CCNY: variants seen among roughly 807,000 people sequenced by gnomAD.
CCNY encodes the protein cyclin-Y.
CCNY carries 19 observed loss-of-function variants against 42.8 expected under a neutral mutation model. The ratio of observed to expected loss-of-function variants is 0.44; its 90% CI spans 0.31 to 0.65. The LOEUF (loss-of-function observed/expected upper bound fraction) is 0.65, where lower values mean the gene tolerates loss of function less well. Among genes scored for constraint, CCNY ranks in the 30% least tolerant of loss-of-function variants. The probability of loss-of-function intolerance (pLI) is 0.07; values close to 1 mark genes in which losing one functional copy is unlikely to be tolerated. For missense variants in CCNY, 370 were observed against 437.3 expected, an observed-to-expected ratio of 0.85 and a Z score of 1.37; for synonymous variants, 165 against 162.7, an observed-to-expected ratio of 1.01 and a Z score of -0.11.
intron 1 of CCNY, among the ~76,000 whole-genome samples, chr10:35,432,063 A>G (rs1448338286): frequency 6.6e-6 from 1 of 152,204 alleles, no homozygotes; most frequent in Non-Finnish European, 1.5e-5. Flanking sequence ...CAGTGCGAGA[A>G]TCATCTTGCA....
chr10:35,289,049 A>G (rs1835384023), intron 3 of CCNY, among the ~76,000 whole-genome samples: 1 of 152,182 alleles, frequency 6.6e-6, no homozygotes, highest in Admixed American at 6.6e-5. Flanking sequence ...TAGTTCATGA[A>G]CATAGATATC....
chr10:35,301,054 C>T (rs1225312425), intron 3 of CCNY, among the ~76,000 whole-genome samples: 5 of 152,096 alleles, frequency 3.3e-5, no homozygotes, highest in Admixed American at 6.6e-5. Context: ...GTGATCCGCC[C>T]GCTTCGGCCT....
intron 1 of CCNY, among the ~76,000 whole-genome samples, chr10:35,404,715 G>A (rs1473683264): frequency 6.6e-6 from 1 of 152,148 alleles, no homozygotes; most frequent in African/African-American, 2.4e-5. Flanking sequence ...GAAAGGAGTT[G>A]TTGTTTTGTG....
Position 35,440,557 on chromosome 10 carries a change from C to G in CCNY, c.155-42847C>G, listed in dbSNP as rs145940415. On this transcript the variant is annotated intron_variant, in intron 1 of 9. Coordinates refer to ENST00000374704, the MANE Select transcript of CCNY (RefSeq NM_145012.6). The stretch of plus-strand genomic sequence containing the variant: ...CTTCCCACCCCTCCTAGTGCTGACT[C>G]TTTGCTAGATGTCTTCAGAATAAGC... 1.2e-4 allele frequency among the ~76,000 whole-genome samples: 18 copies of G among 152,314 alleles called. 1 individual carries two copies. The highest frequency in any genetic ancestry group is 9.1e-4 in the Admixed American group (14 of 15,304).
chr10:35,510,840 C>T (rs991765553), intron 3 of CCNY, among the ~76,000 whole-genome samples: 8 of 152,194 alleles, frequency 5.3e-5, no homozygotes, highest in East Asian at 1.9e-4. Context: ...GGACAAACTA[C>T]GGCTGTCCTG....
At chr10:35,267,309 T>C (rs1465332551) in intron 3 of CCNY, among the ~76,000 whole-genome samples, 1 of 135,548 alleles carries the variant, frequency 7.4e-6, no homozygotes, top group African/African-American at 2.7e-5. Context: ...TCCCATCACT[T>C]AGAAAAAAAA....
rs530316793 is a variant in CCNY at position 35,566,706 on chromosome 10, TGTTTTTTTGG to T, written c.909+531_909+540del. Among the ~76,000 whole-genome samples the T allele has an allele frequency of 2.7e-4, 41 of 152,270 alleles. 1 individual carries two copies. The highest frequency in any genetic ancestry group is 7.5e-4 in the African/African-American group (31 of 41,550). ...TTATACTTAATAAGCAAAGGTTTTT[TGTTTTTTTGG>T]GTTTTTTTGAGATGGAGTCTTGCTG... is the stretch of plus-strand genomic sequence containing the variant. On this transcript the variant is annotated intron_variant, in intron 9 of 9. Coordinates refer to ENST00000374704, the MANE Select transcript of CCNY (RefSeq NM_145012.6).
At chr10:35,472,964 A>G (rs1389460104) in intron 1 of CCNY, among the ~76,000 whole-genome samples, 1 of 152,222 alleles carries the variant, frequency 6.6e-6, no homozygotes, top group Non-Finnish European at 1.5e-5. Flanking sequence ...ATGTTGGTCC[A>G]TTTAACTGAA....
At chr10:35,453,842 TA>T (rs201401222) in intron 1 of CCNY, among the ~76,000 whole-genome samples, 19 of 150,744 alleles carry the variant, frequency 1.3e-4, no homozygotes, top group East Asian at 5.8e-4. Context: ...AGACCTATAG[TA>T]AAAAAAAAAT....
At chr10:35,439,948 G>T (rs1240600132) in intron 1 of CCNY, among the ~76,000 whole-genome samples, 4 of 152,104 alleles carry the variant, frequency 2.6e-5, no homozygotes, top group Non-Finnish European at 5.9e-5. Context: ...TGATAGTGCA[G>T]CAGTGTAGGG....
At chr10:35,463,602 G>T (rs1324200966) in intron 1 of CCNY, among the ~76,000 whole-genome samples, 1 of 152,184 alleles carries the variant, frequency 6.6e-6, no homozygotes, top group East Asian at 1.9e-4. Flanking sequence ...GATAACAAAT[G>T]ACATCATATA....
intron 1 of CCNY, among the ~76,000 whole-genome samples, chr10:35,472,995 A>G (rs1839420491): frequency 1.3e-5 from 2 of 152,204 alleles, no homozygotes; most frequent in Admixed American, 1.3e-4. Context: ...TTGCCTTGCT[A>G]GGAAAAAAAA....
At chr10:35,429,356 TA>T (rs1838335760) in intron 1 of CCNY, among the ~76,000 whole-genome samples, 1 of 152,258 alleles carries the variant, frequency 6.6e-6, no homozygotes, top group South Asian at 2.1e-4. Flanking sequence ...TTACTATTGT[TA>T]TCTTAAAATG....
At chr10:35,496,604 A>G (rs1840009043) in intron 2 of CCNY, among the ~76,000 whole-genome samples, 1 of 152,186 alleles carries the variant, frequency 6.6e-6, no homozygotes, top group African/African-American at 2.4e-5. Flanking sequence ...GTGCTGAGAC[A>G]GGAGGATTGC....
upstream of CCNY, among the ~76,000 whole-genome samples, chr10:35,334,915 T>C (rs1032158857): frequency 1.3e-5 from 2 of 152,250 alleles, no homozygotes; most frequent in Non-Finnish European, 2.9e-5. Context: ...TAACTGGATT[T>C]GTCACGAACA....
chr10:35,414,525 C>T (rs866935539), intron 1 of CCNY, among the ~76,000 whole-genome samples: 64 of 152,328 alleles, frequency 4.2e-4, no homozygotes, highest in Middle Eastern at 3.4e-3. Flanking sequence ...GTGCCCTATT[C>T]TGTTGCTTAT....
chr10:35,391,241 C>T (rs1837406676), intron 1 of CCNY, among the ~76,000 whole-genome samples: 1 of 152,168 alleles, frequency 6.6e-6, no homozygotes, highest in Non-Finnish European at 1.5e-5. Flanking sequence ...CTATGTTGTT[C>T]CCCTATTGGC....
At chr10:35,474,101 C>T (rs1385124217) in intron 1 of CCNY, among the ~76,000 whole-genome samples, 2 of 152,222 alleles carry the variant, frequency 1.3e-5, no homozygotes, top group African/African-American at 2.4e-5. Context: ...GCTTAAAAAA[C>T]GGCGCACCAC....
exon 3 of CCNY, chr10:35,250,538 T>A (rs183027197): frequency 6.6e-6 from 1 of 152,248 alleles, no homozygotes; most frequent in Non-Finnish European, 1.5e-5. Context: ...CGGGTGAAAA[T>A]CTTTGGAAGA....
Sources: allele counts gnomAD v4.1 joint callset (sites outside exome capture counted in the v4.1 genomes callset), GRCh38; gene constraint gnomAD v4.1.1; transcripts MANE v1.5; gene names NCBI Gene and HGNC (gene_info 2026-07-23, HGNC 2026-07-21).